Variants in VWA3B observed in about 807,000 individuals in gnomAD.
The protein encoded by VWA3B is von Willebrand factor A domain containing 3B.
A neutral mutation model predicts 158.3 loss-of-function variants in VWA3B; 138 were observed. The ratio of observed to expected loss-of-function variants is 0.87; its 90% CI spans 0.76 to 1.00. The LOEUF is 1.00. Ranked by LOEUF, VWA3B falls within the 50% of genes least tolerant of loss-of-function variation. The pLI is 0.00. For missense variants in VWA3B, 1,555 were observed against 1,565.1 expected (o/e 0.99, Z 0.11); for synonymous variants, 596 against 587.3 (o/e 1.01, Z -0.21).
chr2:98,208,143 G>C (rs980310938), intron 12 of VWA3B, among the ~76,000 whole-genome samples: 1 of 151,390 alleles, frequency 6.6e-6, no homozygotes, highest in Non-Finnish European at 1.5e-5. Flanking sequence ...TTTTCTTTGT[G>C]TTAAAGTCTA....
intron 13 of VWA3B, among the ~76,000 whole-genome samples, chr2:98,213,324 C>G (rs142622217): frequency 1.4e-4 from 22 of 152,260 alleles, no homozygotes; most frequent in African/African-American, 5.1e-4. Context: ...GAGGAACTCT[C>G]GGAGGAGCCG....
intron 22 of VWA3B, 98 bp downstream of exon 22, chr2:98,270,981 C>T: frequency 8.3e-7 from 1 of 1,197,858 alleles, no homozygotes; most frequent in Non-Finnish European, 1.2e-6. Flanking sequence ...CCACTCCCCG[C>T]CACACTGATT....
chr2:98,280,733 GAA>G (rs901214041), intron 22 of VWA3B, among the ~76,000 whole-genome samples: 1 of 152,160 alleles, frequency 6.6e-6, no homozygotes. Context: ...GGAGGCGGGG[GAA>G]AACCTCACAA....
rs79843855 is a variant in VWA3B at position 98,272,912 on chromosome 2, T to C, written c.3045+2029T>C. 1.4e-4 allele frequency among the ~76,000 whole-genome samples: 21 copies of C among 152,340 alleles called. 1 individual carries two copies. In the East Asian group the frequency reaches 4.1e-3, roughly 29 times the overall value. On this transcript the variant is annotated intron_variant, in intron 22 of 27. Coordinates refer to ENST00000477737, the MANE Select transcript of VWA3B (RefSeq NM_144992.5). ...TTGGATCTCTGTTGTACACTCTTTC[T>C]ATCCCATGTGATGCCTTTTGCCAGG... is the stretch of plus-strand genomic sequence containing the variant.
At chr2:98,288,740 T>C (rs575177081) in intron 22 of VWA3B, among the ~76,000 whole-genome samples, 1 of 152,352 alleles carries the variant, frequency 6.6e-6, no homozygotes, top group South Asian at 2.1e-4. Flanking sequence ...ATATTGGATA[T>C]TTACGTTATC....
chr2:98,263,351 G>T (rs1256593496), intron 21 of VWA3B, among the ~76,000 whole-genome samples: 1 of 151,844 alleles, frequency 6.6e-6, no homozygotes, highest in African/African-American at 2.4e-5. Context: ...TAGAGGGAAA[G>T]CTTCCAATCT....
chr2:98,136,548 A>G (rs1436836096), intron 7 of VWA3B, among the ~76,000 whole-genome samples: 3 of 151,408 alleles, frequency 2.0e-5, no homozygotes, highest in Admixed American at 6.6e-5. Context: ...TTGCTGCTGT[A>G]TCTTTGGGAG....
At position 98,087,324 on chromosome 2, in the gene VWA3B, G is replaced by A. The variant is rs1681933042; in HGVS notation, c.-72G>A. 1 of 152,252 alleles carries A rather than the reference G, an allele frequency of 6.6e-6. No homozygotes were observed. Among genetic ancestry groups the A allele is most frequent in the Non-Finnish European group, 1.5e-5 (1 of 68,068 alleles). The allele number at this position is 152,252 out of a possible 1,614,324, so 9.4% of individuals were successfully genotyped here. ...CCGGGAGGATGGGAGGGTGGCTGCT[G>A]AGCGGGAGCCGCCACGTCTTCCACC... On this transcript the variant is annotated 5_prime_UTR_variant, in exon 1 of 28. An upstream open reading frame in the 5' UTR loses its in-frame stop. Transcript: ENST00000477737.
chr2:98,116,396 G>A (rs991253072), intron 3 of VWA3B, among the ~76,000 whole-genome samples: 4 of 151,384 alleles, frequency 2.6e-5, no homozygotes, highest in African/African-American at 9.7e-5. Context: ...CCCTATCCTC[G>A]AATATGTCTT....
intron 7 of VWA3B, among the ~76,000 whole-genome samples, chr2:98,146,473 G>A (rs1174276156): frequency 6.6e-6 from 1 of 152,200 alleles, no homozygotes; most frequent in Non-Finnish European, 1.5e-5. Context: ...TCTGGGTGAT[G>A]CTTTGCGAAG....
chr2:98,116,424 T>C (rs1249954764), intron 3 of VWA3B, among the ~76,000 whole-genome samples: 11 of 152,230 alleles, frequency 7.2e-5, no homozygotes, highest in Non-Finnish European at 1.6e-4. Flanking sequence ...TTTACTCTCC[T>C]TCTCTTTCAA....
At chr2:98,191,010 A>G (rs1328990762) in intron 10 of VWA3B, among the ~76,000 whole-genome samples, 2 of 152,106 alleles carry the variant, frequency 1.3e-5, no homozygotes. Context: ...TCCATGGGCC[A>G]CTAATTATCT....
At position 98,127,270 on chromosome 2, in the gene VWA3B, G is replaced by C. The variant is rs549295772; in HGVS notation, c.703-969G>C. On this transcript the variant is annotated intron_variant, in intron 5 of 27. Coordinates refer to ENST00000477737, the MANE Select transcript of VWA3B (RefSeq NM_144992.5). ...GATGTATAGAAATGCACACATAGTTGGAAGTCATCCTGTTTCAATGCCATC... is the reference window on the plus strand; with the variant it reads ...GATGTATAGAAATGCACACATAGTTCGAAGTCATCCTGTTTCAATGCCATC... Among the ~76,000 whole-genome samples the C allele has an allele frequency of 8.5e-5, 13 of 152,204 alleles. 1 individual carries two copies. The South Asian group carries it at 2.7e-3, about 32-fold the overall frequency.
At position 98,093,000 on chromosome 2, in the gene VWA3B, C is replaced by T. The variant is rs1682456562; in HGVS notation, c.-32-61C>T. On this transcript the variant is annotated intron_variant, in intron 1 of 27. Transcript: ENST00000477737. ...CTATAATTTATGTTAAGCCAGTCCC[C>T]TGTTGACGTTAGATGATTTCCAAGT... 6 of 1,207,318 alleles carry T rather than the reference C, an allele frequency of 5.0e-6. 1 individual carries two copies. The African/African-American group carries it at 6.1e-5, about 12-fold the overall frequency. The allele number at this position is 1,207,318 out of a possible 1,614,324, so 74.8% of individuals were successfully genotyped here. A position where few individuals can be genotyped will look rare whatever the true frequency, so the allele number is the denominator to read the frequency against.
chr2:98,194,118 GAC>G (rs1681829260), intron 11 of VWA3B, among the ~76,000 whole-genome samples: 1 of 151,846 alleles, frequency 6.6e-6, no homozygotes, highest in Non-Finnish European at 1.5e-5. Flanking sequence ...ACATATACGT[GAC>G]ATATATAATG....
intron 19 of VWA3B, among the ~76,000 whole-genome samples, chr2:98,237,738 A>G (rs956302418): frequency 2.0e-5 from 3 of 152,224 alleles, no homozygotes; most frequent in African/African-American, 7.2e-5. Flanking sequence ...TTTAAATAGA[A>G]ACATTTCAGT....
At chr2:98,107,384 C>G (rs956749970) in intron 2 of VWA3B, among the ~76,000 whole-genome samples, 4 of 151,996 alleles carry the variant, frequency 2.6e-5, no homozygotes, top group Non-Finnish European at 5.9e-5. Context: ...CTCTTCCATT[C>G]TCTAGAAGAT....
Position 98,236,493 on chromosome 2 carries a change from T to G in VWA3B, c.2516+16T>G. Reference sequence around the variant, plus strand: ...ATGACCACGAGTGAGTTCTTTAATTTGACAAAGACAGTTCTGTTATGCTTC... The same window carrying G: ...ATGACCACGAGTGAGTTCTTTAATTGGACAAAGACAGTTCTGTTATGCTTC... On this transcript the variant is annotated intron_variant, in intron 18 of 27. Transcript: ENST00000477737. 1 of 1,614,222 alleles carries G rather than the reference T, an allele frequency of 6.2e-7. No homozygotes were observed. Among genetic ancestry groups the G allele is most frequent in the Non-Finnish European group, 8.5e-7 (1 of 1,180,022 alleles).
At chr2:98,309,970 A>G (rs1442367439) in intron 26 of VWA3B, among the ~76,000 whole-genome samples, 1 of 152,160 alleles carries the variant, frequency 6.6e-6, no homozygotes, top group Non-Finnish European at 1.5e-5. Flanking sequence ...TACATTCAGG[A>G]AGCATGTGGT....
Sources: allele counts gnomAD v4.1 joint callset (sites outside exome capture counted in the v4.1 genomes callset), GRCh38; gene constraint gnomAD v4.1.1; transcripts MANE v1.5; gene names NCBI Gene and HGNC (gene_info 2026-07-23, HGNC 2026-07-21).